The following DZANK1 variants were observed in gnomAD, a reference collection of about 807,000 sequenced individuals.
The protein encoded by DZANK1 is double zinc ribbon and ankyrin repeat domains 1.
In DZANK1, 91 loss-of-function variants were observed where a neutral mutation model predicts 94.5. The ratio of observed to expected loss-of-function variants is 0.96; its 90% CI spans 0.81 to 1.15. The LOEUF (loss-of-function observed/expected upper bound fraction) is 1.15, where lower values mean the gene tolerates loss of function less well. Ranked by LOEUF, DZANK1 falls within the 50% of genes most tolerant of loss-of-function variation. The pLI, the probability that DZANK1 is intolerant of heterozygous loss-of-function variation, is 0.00. For missense variants in DZANK1, 903 were observed against 916.4 expected (o/e 0.99, Z 0.19); for synonymous variants, 312 against 325.3 (o/e 0.96, Z 0.44).
rs141602642 is a variant in DZANK1 at position 18,399,520 on chromosome 20, G to A, written c.1433-894C>T. Among the ~76,000 whole-genome samples, 95 of 152,124 alleles carry A rather than the reference G, an allele frequency of 6.2e-4. No individual in the cohort carries two copies. The East Asian group carries it at 0.017, about 28-fold the overall frequency. Reference sequence around the variant, plus strand: ...GCTAGGATTATAGGTGTGAGACACCGCACCCAGCCCTTACACAATATTTTA... The same window carrying A: ...GCTAGGATTATAGGTGTGAGACACCACACCCAGCCCTTACACAATATTTTA... On this transcript the variant is annotated intron_variant, in intron 13 of 20. Coordinates refer to ENST00000262547, the Ensembl canonical transcript of DZANK1.
chr20:18,417,549 TTAATA>T (rs1392519994), intron 10 of DZANK1, among the ~76,000 whole-genome samples: 1 of 152,150 alleles, frequency 6.6e-6, no homozygotes, highest in Non-Finnish European at 1.5e-5. Flanking sequence ...TAAAACCACA[TTAATA>T]GACAACTCTC....
rs548529170 is a variant in DZANK1, at chr20:18,442,030, G to C, written c.747+1317C>G. ...GAGTCGTGGGTCTAAGTAGGATCCT[G>C]CCCCTTTGACTCCTAGAAGCCCAGC... On this transcript the variant is annotated intron_variant, in intron 8 of 20. Transcript: ENST00000262547. Among the ~76,000 whole-genome samples the C allele has an allele frequency of 8.5e-5, 13 of 152,274 alleles. No individual in the cohort carries two copies. In the South Asian group the frequency reaches 2.3e-3, roughly 27 times the overall value.
intron 13 of DZANK1, among the ~76,000 whole-genome samples, chr20:18,406,602 GACCCA>G (rs2056978729): frequency 6.6e-6 from 1 of 152,228 alleles, no homozygotes; most frequent in Non-Finnish European, 1.5e-5. Context: ...CTTCAGGGAA[GACCCA>G]GCACATTCCA....
At chr20:18,412,483 G>A (rs2148432670) in intron 13 of DZANK1, among the ~76,000 whole-genome samples, 163 bp downstream of exon 13, 1 of 152,254 alleles carries the variant, frequency 6.6e-6, no homozygotes, top group South Asian at 2.1e-4. Context: ...TACAGGAAGA[G>A]CTTCTTTTTC....
intron 3 of DZANK1, among the ~76,000 whole-genome samples, chr20:18,456,120 A>G (rs1163115424): frequency 6.6e-6 from 1 of 152,208 alleles, no homozygotes; most frequent in Non-Finnish European, 1.5e-5. Context: ...ATCAGACCAT[A>G]AGCCTCAAAC....
rs562195589 is a variant in DZANK1, at chr20:18,384,899, G to A, written c.2093+117C>T. On this transcript the variant is annotated intron_variant, in intron 20 of 20. Coordinates refer to ENST00000262547, the Ensembl canonical transcript of DZANK1. ...GCCCCGGAAGCCATGGTGGGATGGTGGTCCCCATGGACAGGGACAGCAGTT... is the reference window on the plus strand; with the variant it reads ...GCCCCGGAAGCCATGGTGGGATGGTAGTCCCCATGGACAGGGACAGCAGTT... 44 of 965,204 alleles carry A rather than the reference G, an allele frequency of 4.6e-5. No homozygotes were observed. In the South Asian group the frequency reaches 6.6e-4, roughly 14 times the overall value. The allele number at this position is 965,204 out of a possible 1,614,324, so 59.8% of individuals were successfully genotyped here. A position where few individuals can be genotyped will look rare whatever the true frequency, so the allele number is the denominator to read the frequency against.
At chr20:18,436,161 C>T (rs2058512446) in intron 8 of DZANK1, among the ~76,000 whole-genome samples, 1 of 152,042 alleles carries the variant, frequency 6.6e-6, no homozygotes, top group South Asian at 2.1e-4. Flanking sequence ...CTAAAGGAAA[C>T]CACATTTGAT....
chr20:18,415,078 A>T (rs957751056), intron 11 of DZANK1, among the ~76,000 whole-genome samples: 6 of 152,224 alleles, frequency 3.9e-5, no homozygotes, highest in Admixed American at 2.0e-4. Flanking sequence ...AATTCATTTT[A>T]AAAAATGCCA....
chr20:18,415,495 T>C (rs372493827), intron 10 of DZANK1, 46 bp from the exon 11 acceptor site: 93 of 1,335,062 alleles, frequency 7.0e-5, no homozygotes, highest in Admixed American at 3.0e-4. Flanking sequence ...TACTATATTC[T>C]CTAATCCCCC....
intron 9 of DZANK1, among the ~76,000 whole-genome samples, chr20:18,431,303 T>G (rs1218028498): frequency 6.6e-6 from 1 of 151,948 alleles, no homozygotes; most frequent in Non-Finnish European, 1.5e-5. Flanking sequence ...AGACTGCAAC[T>G]ACCATGGAAT....
In DZANK1 at chr20:18,453,720, T is replaced by A. The variant is rs2059186260; in HGVS notation, c.475+11A>T. ...AATACAAAACCTTGTCTTTGTTCTG[T>A]CACATCATACCTGGAAACTTTCTAA... On this transcript the variant is annotated intron_variant, in intron 5 of 20. Coordinates refer to ENST00000262547, the Ensembl canonical transcript of DZANK1. 6.3e-7 allele frequency: 1 copy of A among 1,588,312 alleles called. No homozygotes were observed. The highest frequency in any genetic ancestry group is 8.6e-7 in the Non-Finnish European group (1 of 1,158,410).
At chr20:18,454,864 T>G (rs16979201) in intron 4 of DZANK1, among the ~76,000 whole-genome samples, 3,696 of 152,326 alleles carry the variant, frequency 0.024, 165 homozygotes, top group African/African-American at 0.085. Flanking sequence ...ATAGCAGTGA[T>G]AGGGCATAGC....
exon 8 of DZANK1, chr20:18,443,367 G>A: frequency 6.5e-7 from 1 of 1,550,264 alleles, no homozygotes; most frequent in South Asian, 1.2e-5. Flanking sequence ...TCTGGGGGTG[G>A]GAGACGACAG....
At chr20:18,403,489 T>C (rs1489157953) in intron 13 of DZANK1, among the ~76,000 whole-genome samples, 2 of 152,154 alleles carry the variant, frequency 1.3e-5, no homozygotes, top group African/African-American at 2.4e-5. Context: ...ACTTCATTTG[T>C]AACAAAGTGT....
chr20:18,452,527 G>A (rs568247565), intron 6 of DZANK1, 88 bp downstream of exon 6: 560 of 1,413,874 alleles, frequency 4.0e-4, no homozygotes, highest in Non-Finnish European at 5.0e-4. Context: ...GGTCAAAAGT[G>A]GGGGAGGTGC....
intron 13 of DZANK1, among the ~76,000 whole-genome samples, chr20:18,409,563 C>CAT (rs1335879443): frequency 4.8e-5 from 6 of 126,150 alleles, no homozygotes; most frequent in Admixed American, 4.6e-4. Context: ...CACACACACA[C>CAT]ACACACACAC....
chr20:18,401,773 T>A (rs2056695362), intron 13 of DZANK1, among the ~76,000 whole-genome samples: 1 of 152,226 alleles, frequency 6.6e-6, no homozygotes, highest in Non-Finnish European at 1.5e-5. Context: ...CTTTACACAG[T>A]GCTGACTTCC....
chr20:18,414,396 C>T (rs910333372), exon 12 of DZANK1: 1 of 1,613,816 alleles, frequency 6.2e-7, no homozygotes, highest in African/African-American at 1.3e-5. Context: ...GGCTTCTGTC[C>T]AAGCTAAGTT....
At chr20:18,448,351 A>G (rs766720779) in intron 7 of DZANK1, among the ~76,000 whole-genome samples, 2 of 152,220 alleles carry the variant, frequency 1.3e-5, no homozygotes, top group Non-Finnish European at 2.9e-5. Context: ...TATAGTGACA[A>G]GAAAGAAATC....
Sources: allele counts gnomAD v4.1 joint callset (sites outside exome capture counted in the v4.1 genomes callset), GRCh38; gene constraint gnomAD v4.1.1; transcripts MANE v1.5; gene names NCBI Gene and HGNC (gene_info 2026-07-23, HGNC 2026-07-21).